Variants in SMIM36 observed in about 807,000 individuals in gnomAD.
The protein encoded by SMIM36 is small integral membrane protein 36.
intron 1 of SMIM36, among the ~76,000 whole-genome samples, chr17:55,498,835 C>T (rs1483490554): frequency 6.6e-6 from 1 of 151,624 alleles, no homozygotes; most frequent in Non-Finnish European, 1.5e-5. Flanking sequence ...CCCGTCTCTA[C>T]TAAAAACACA....
In SMIM36 at chr17:55,464,433, G is replaced by A. The variant is rs548677777; in HGVS notation, c.*531+2712C>T. On this transcript the variant is annotated intron_variant, in intron 4 of 4. Coordinates refer to ENST00000636752, the Ensembl canonical transcript of SMIM36. ...GAGGGCATGTTAATTCCACTTGTAG[G>A]ATGTTCAGATCTGGTAGTGTTGACC... 6.6e-5 allele frequency among the ~76,000 whole-genome samples: 10 copies of A among 152,118 alleles called. No homozygotes were observed. In the South Asian group the frequency reaches 2.1e-3, roughly 32 times the overall value.
the SMIM36 span, among the ~76,000 whole-genome samples, chr17:55,530,282 C>A: frequency 6.6e-6 from 1 of 152,020 alleles, no homozygotes; most frequent in Non-Finnish European, 1.5e-5. Flanking sequence ...TCAATCCAGC[C>A]CAGGGATGTG....
intron 3 of SMIM36, among the ~76,000 whole-genome samples, chr17:55,476,558 A>G (rs931177837): frequency 6.9e-5 from 9 of 130,612 alleles, no homozygotes; most frequent in Admixed American, 4.1e-4. Context: ...CTTCATGAAG[A>G]TGGTCACTAT....
chr17:55,517,832 T>C, the SMIM36 span, among the ~76,000 whole-genome samples: 1 of 152,172 alleles, frequency 6.6e-6, no homozygotes, highest in Admixed American at 6.5e-5. Flanking sequence ...ATATAGGTAA[T>C]ATTTACAGTC....
In SMIM36 at chr17:55,509,288, T is replaced by G. The variant is rs527453935; in HGVS notation, c.*174+1591A>C. Among the ~76,000 whole-genome samples, 6 of 152,322 alleles carry G rather than the reference T, an allele frequency of 3.9e-5. No individual in the cohort carries two copies. In the East Asian group the frequency reaches 1.2e-3, roughly 29 times the overall value. ...GACACCATCAGACCTTCACAACCAA[T>G]GGACTCTAATTATTTTGCTTTCAAG... On this transcript the variant is annotated intron_variant, in intron 1 of 4. Coordinates refer to ENST00000636752, the Ensembl canonical transcript of SMIM36.
the SMIM36 span, among the ~76,000 whole-genome samples, chr17:55,529,422 A>G: frequency 6.6e-6 from 1 of 152,118 alleles, no homozygotes. Context: ...TAGGAGTTCA[A>G]GAACAGCCTG....
chr17:55,514,300 A>G (rs1910230270), upstream of SMIM36, among the ~76,000 whole-genome samples: 1 of 152,202 alleles, frequency 6.6e-6, no homozygotes. Context: ...AACAAGCTGC[A>G]TTTCAGAAGA....
At chr17:55,456,658 T>G (rs1909030103) in intron 4 of SMIM36, among the ~76,000 whole-genome samples, 1 of 152,230 alleles carries the variant, frequency 6.6e-6, no homozygotes, top group Admixed American at 6.5e-5. Context: ...GGCCCAAGAT[T>G]AAGAACTTGG....
intron 1 of SMIM36, among the ~76,000 whole-genome samples, chr17:55,496,015 C>A (rs1005252702): frequency 2.0e-5 from 3 of 152,168 alleles, no homozygotes; most frequent in South Asian, 2.1e-4. Flanking sequence ...GCTGCGTATA[C>A]ATTTTTGTCT....
chr17:55,456,599 G>C (rs1412830104), intron 4 of SMIM36, among the ~76,000 whole-genome samples: 1 of 152,208 alleles, frequency 6.6e-6, no homozygotes. Flanking sequence ...AATTAATTTA[G>C]AGATATGGGC....
At chr17:55,458,238 T>A (rs1370451752) in intron 4 of SMIM36, 1 of 152,178 alleles carries the variant, frequency 6.6e-6, no homozygotes, top group African/African-American at 2.4e-5. Context: ...CTCCAATTGT[T>A]CCTACATCCA....
intron 1 of SMIM36, among the ~76,000 whole-genome samples, chr17:55,489,661 A>G (rs1392564857): frequency 6.6e-6 from 1 of 152,182 alleles, no homozygotes; most frequent in Non-Finnish European, 1.5e-5. Context: ...ATGGCAGTTC[A>G]TGCAGATTAC....
At chr17:55,528,540 T>TTTTTC in the SMIM36 span, among the ~76,000 whole-genome samples, 3 of 151,460 alleles carry the variant, frequency 2.0e-5, no homozygotes, top group Non-Finnish European at 4.4e-5. Context: ...GAAGTCTTTT[T>TTTTTC]TTTTCTTTTC....
intron 3 of SMIM36, among the ~76,000 whole-genome samples, chr17:55,474,885 T>C (rs1909403947): frequency 6.6e-6 from 1 of 152,086 alleles, no homozygotes; most frequent in South Asian, 2.1e-4. Context: ...CCCGGAAAAC[T>C]TAGAACTTTG....
At chr17:55,509,973 T>G (rs1910153055) in intron 1 of SMIM36, among the ~76,000 whole-genome samples, 1 of 152,096 alleles carries the variant, frequency 6.6e-6, no homozygotes, top group Non-Finnish European at 1.5e-5. Context: ...GATTGGAGAT[T>G]AAATTTTTTA....
chr17:55,496,374 A>G (rs1020139557), intron 1 of SMIM36, among the ~76,000 whole-genome samples: 1 of 152,186 alleles, frequency 6.6e-6, no homozygotes, highest in African/African-American at 2.4e-5. Context: ...TAATTAAATA[A>G]TGGCTGAGTA....
intron 1 of SMIM36, among the ~76,000 whole-genome samples, chr17:55,501,384 ATATAATATATTATATATTATTATATAT>A (rs1377167388): frequency 2.9e-5 from 1 of 33,986 alleles, no homozygotes; most frequent in Non-Finnish European, 4.4e-5. Flanking sequence ...ATATTATAGA[ATATAATATATTATATATTATTATATAT>A]TATAAAATAT....
At chr17:55,488,789 G>T (rs114619349) in intron 1 of SMIM36, among the ~76,000 whole-genome samples, 73 of 152,164 alleles carry the variant, frequency 4.8e-4, no homozygotes, top group African/African-American at 1.7e-3. Flanking sequence ...GACCTGCTGG[G>T]TCAAATGTCT....
chr17:55,496,517 G>T (rs1044262063), intron 1 of SMIM36, among the ~76,000 whole-genome samples: 5 of 152,202 alleles, frequency 3.3e-5, no homozygotes, highest in African/African-American at 1.2e-4. Flanking sequence ...GCCCAAGAAA[G>T]TCAAAGTCGA....
Sources: allele counts gnomAD v4.1 joint callset (sites outside exome capture counted in the v4.1 genomes callset), GRCh38; gene constraint gnomAD v4.1.1; transcripts MANE v1.5; gene names NCBI Gene and HGNC (gene_info 2026-07-23, HGNC 2026-07-21).